The following EIF4E3 variants were observed in gnomAD, a reference collection of about 807,000 sequenced individuals.
The protein encoded by EIF4E3 is eukaryotic translation initiation factor 4E family member 3, also known as eukaryotic translation initiation factor 4E type 3.
Under a neutral mutation model 31.7 loss-of-function variants are expected in EIF4E3, and 26 were observed. That is an observed-to-expected ratio of 0.82 (90% confidence interval 0.60 to 1.14). The LOEUF (loss-of-function observed/expected upper bound fraction) is 1.14. Among genes scored for constraint, EIF4E3 ranks in the 50% most tolerant of loss-of-function variants. EIF4E3 has a pLI of 0.00. For synonymous variants in EIF4E3, 128 were observed against 107.7 expected (o/e 1.19, Z -1.17); for missense variants, 304 against 270.9 (o/e 1.12, Z -0.86).
chr3:71,710,574 T>C lies in EIF4E3; in HGVS notation c.177-90A>G, dbSNP rs1003074976. 2.8e-5 allele frequency: 37 copies of C among 1,317,202 alleles called. No individual in the cohort carries two copies. In the African/African-American group the frequency reaches 4.0e-4, roughly 14 times the overall value. The allele number at this position is 1,317,202 out of a possible 1,614,324, so 81.6% of individuals were successfully genotyped here. ...CACAGTAGAATCTTTCACGTCTTCC[T>C]AAAAATCAGGTCTCAAACCACAGGA... is the stretch of plus-strand genomic sequence containing the variant. On this transcript the variant is annotated intron_variant, in intron 1 of 6. Coordinates refer to ENST00000425534, the MANE Select transcript of EIF4E3 (RefSeq NM_001134651.2).
intron 1 of EIF4E3, among the ~76,000 whole-genome samples, chr3:71,734,261 A>G (rs190574376): frequency 6.6e-6 from 1 of 152,346 alleles, no homozygotes; most frequent in Admixed American, 6.5e-5. Flanking sequence ...TATGATGAAC[A>G]TGGTATCCCT....
rs189489866 is a variant in EIF4E3 at position 71,695,898 on chromosome 3, T to C, written c.405+562A>G. On this transcript the variant is annotated intron_variant, in intron 4 of 6. Coordinates refer to ENST00000425534, the MANE Select transcript of EIF4E3 (RefSeq NM_001134651.2). Reference sequence around the variant, plus strand: ...AGAGCTCACTCTGGGAAATCTGGGTTTCTGAGACTTGATCACTGCAAACCA... The same window carrying C: ...AGAGCTCACTCTGGGAAATCTGGGTCTCTGAGACTTGATCACTGCAAACCA... Among the ~76,000 whole-genome samples, 9 of 152,298 alleles carry C rather than the reference T, an allele frequency of 5.9e-5. 1 individual carries two copies. In the East Asian group the frequency reaches 1.7e-3, roughly 29 times the overall value.
At chr3:71,737,223 A>G (rs371602165) in intron 1 of EIF4E3, among the ~76,000 whole-genome samples, 5 of 152,230 alleles carry the variant, frequency 3.3e-5, no homozygotes, top group East Asian at 3.8e-4. Flanking sequence ...AAACTTTAGG[A>G]AAAGTTTCAC....
chr3:71,674,251 C>T (rs917993230), downstream of EIF4E3, among the ~76,000 whole-genome samples: 10 of 151,564 alleles, frequency 6.6e-5, no homozygotes, highest in South Asian at 2.1e-4. Context: ...GAATTACAGT[C>T]GTGCACCACC....
chr3:71,708,581 CT>C lies in EIF4E3; in HGVS notation c.249+1830del, dbSNP rs147402881. Among the ~76,000 whole-genome samples the C allele has an allele frequency of 6.1e-3, 922 of 152,134 alleles. 10 individuals are homozygous for C. The highest frequency in any genetic ancestry group is 0.021 in the African/African-American group (886 of 41,490). ...GGCTCTACCAAATACCCTGGGTTATCTCGTGGGGTCAGGAAAACCAAGCCAA... is the reference window on the plus strand; with the variant it reads ...GGCTCTACCAAATACCCTGGGTTATCCGTGGGGTCAGGAAAACCAAGCCAA... On this transcript the variant is annotated intron_variant, in intron 2 of 6. Coordinates refer to ENST00000425534, the MANE Select transcript of EIF4E3 (RefSeq NM_001134651.2).
In EIF4E3 at chr3:71,744,499, C is replaced by A. The variant is rs375831382; in HGVS notation, c.-291+8964G>T. ...CGGTGGCTCATGCCTGTAATCCCAG[C>A]ACTTTGGGAGGCCGAGGTGGGTGGA... is the stretch of plus-strand genomic sequence containing the variant. On this transcript the variant is annotated intron_variant, in intron 1 of 7. Transcript: ENST00000295612. Among the ~76,000 whole-genome samples, 16 of 152,330 alleles carry A rather than the reference C, an allele frequency of 1.1e-4. No individual in the cohort carries two copies. The East Asian group carries it at 2.3e-3, about 22-fold the overall frequency.
chr3:71,718,786 TGG>T (rs2049502944), intron 1 of EIF4E3, among the ~76,000 whole-genome samples: 1 of 152,236 alleles, frequency 6.6e-6, no homozygotes, highest in South Asian at 2.1e-4. Context: ...GTAGAAAGGC[TGG>T]AAGTACTCTA....
At chr3:71,704,124 A>T (rs768878282) in intron 2 of EIF4E3, among the ~76,000 whole-genome samples, 1 of 152,258 alleles carries the variant, frequency 6.6e-6, no homozygotes, top group Non-Finnish European at 1.5e-5. Flanking sequence ...AATTCCAAAA[A>T]GGGCTTGGCT....
intron 1 of EIF4E3, among the ~76,000 whole-genome samples, chr3:71,744,139 C>T (rs1451214820): frequency 6.6e-6 from 1 of 151,816 alleles, no homozygotes; most frequent in Non-Finnish European, 1.5e-5. Context: ...TCAAAAGACA[C>T]TATTAAAAAA....
rs780977719 is a variant in EIF4E3 at position 71,678,369 on chromosome 3, G to C, written c.*6313C>G. On this transcript the variant is annotated 3_prime_UTR_variant, in exon 7 of 7. Transcript: ENST00000425534. ...AACTACTACCCTGAAAAATGAAGAA[G>C]CACAAATTCATAGCAATATAGTCCC... 2.0e-5 allele frequency: 3 copies of C among 152,064 alleles called. No homozygotes were observed. The highest frequency in any genetic ancestry group is 2.9e-5 in the Non-Finnish European group (2 of 68,006). The allele number at this position is 152,064 out of a possible 1,614,324, so 9.4% of individuals were successfully genotyped here.
chr3:71,708,008 C>T (rs1363716242), intron 2 of EIF4E3, among the ~76,000 whole-genome samples: 1 of 151,808 alleles, frequency 6.6e-6, no homozygotes, highest in African/African-American at 2.4e-5. Flanking sequence ...GCCTCAGCCT[C>T]CCCAGTAAGT....
At chr3:71,720,251 T>C (rs1340268218) in intron 1 of EIF4E3, among the ~76,000 whole-genome samples, 2 of 151,882 alleles carry the variant, frequency 1.3e-5, no homozygotes, top group East Asian at 3.9e-4. Context: ...GTGATCATAG[T>C]TCACCGCATC....
At chr3:71,674,062 A>G (rs985957833), downstream of EIF4E3, among the ~76,000 whole-genome samples, 1 of 124,346 alleles carries the variant, frequency 8.0e-6, no homozygotes, top group Non-Finnish European at 1.6e-5. Flanking sequence ...GAATTTGTTC[A>G]GCCTCTAAAA....
At chr3:71,699,190 G>A (rs1276882802) in intron 3 of EIF4E3, among the ~76,000 whole-genome samples, 1 of 152,104 alleles carries the variant, frequency 6.6e-6, no homozygotes, top group Non-Finnish European at 1.5e-5. Flanking sequence ...TGGTGCCACT[G>A]CACTCCAGCC....
intron 1 of EIF4E3, among the ~76,000 whole-genome samples, chr3:71,714,323 A>AGGAAAG (rs5850021): frequency 1.3e-5 from 2 of 150,800 alleles, no homozygotes; most frequent in Non-Finnish European, 3.0e-5. Flanking sequence ...AGGAAAGGAA[A>AGGAAAG]GAAAGAAAGA....
intron 2 of EIF4E3, among the ~76,000 whole-genome samples, chr3:71,703,447 G>A (rs890572982): frequency 2.0e-5 from 3 of 152,152 alleles, no homozygotes; most frequent in Non-Finnish European, 4.4e-5. Context: ...TCTGTATAAG[G>A]ATACAGCTAT....
In EIF4E3 at chr3:71,725,225, G is replaced by C; in HGVS notation, c.143C>G (p.Pro48Arg). ...CCAGAAGGTCCAGGACGAGTGCAGC[G>C]GGACCCCGCCCGGCTCAGGCTGCAG... ...SALQPEPGGV[P>R]LHSSWTFWLD... The change falls in exon 1 of 7, where the codon CCG becomes CGG. Residue 48 changes from proline to arginine, a missense_variant. Coordinates refer to ENST00000425534, the MANE Select transcript of EIF4E3 (RefSeq NM_001134651.2). The surrounding 1 kb of genome is among the most constrained non-coding windows in gnomAD (Gnocchi z 6.1). 1 of 1,136,882 alleles carries C rather than the reference G, an allele frequency of 8.8e-7. No individual in the cohort carries two copies. Among genetic ancestry groups the C allele is most frequent in the Non-Finnish European group, 1.1e-6 (1 of 920,978 alleles). 70.4% of individuals were successfully genotyped at this position (1,136,882 alleles called of 1,614,324 possible).
chr3:71,714,169 G>A (rs1332927879), intron 1 of EIF4E3, among the ~76,000 whole-genome samples: 4 of 151,224 alleles, frequency 2.6e-5, no homozygotes, highest in African/African-American at 4.9e-5. Flanking sequence ...CCGAGATTGC[G>A]CCACTGCACT....
the EIF4E3 span, among the ~76,000 whole-genome samples, chr3:71,668,670 A>G: frequency 1.5e-4 from 23 of 152,356 alleles, no homozygotes; most frequent in East Asian, 4.2e-3. Context: ...GTGATTAGAG[A>G]AATGCAAATC....
Sources: gnomAD v4.1 joint callset for allele counts (sites outside exome capture counted in the v4.1 genomes callset) on GRCh38, gnomAD v4.1.1 for gene constraint, Gnocchi (gnomAD v3.1) non-coding constraint, MANE v1.5 for transcripts, NCBI Gene and HGNC (gene_info 2026-07-23, HGNC 2026-07-21) for gene names.